CELF4: variants seen among roughly 807,000 people sequenced by gnomAD.
CELF4 encodes CUGBP Elav-like family member 4.
A neutral mutation model predicts 59.9 loss-of-function variants in CELF4; 18 were observed. The observed-to-expected ratio is 0.30, with a 90% CI of 0.21 to 0.45. The LOEUF is 0.45. Among genes scored for constraint, CELF4 ranks in the 20% least tolerant of loss-of-function variants. The pLI is 1.00. For synonymous variants in CELF4, 261 were observed against 267.1 expected, an observed-to-expected ratio of 0.98 and a Z score of 0.22; for missense variants, 456 against 689.0, an observed-to-expected ratio of 0.66 and a Z score of 3.79.
chr18:37,479,463 C>T (rs1378516280), intron 2 of CELF4, among the ~76,000 whole-genome samples: 1 of 152,302 alleles, frequency 6.6e-6, no homozygotes, highest in Non-Finnish European at 1.5e-5. Flanking sequence ...CTGGCCTCTA[C>T]CCATTAGATG....
intron 2 of CELF4, among the ~76,000 whole-genome samples, chr18:37,379,288 G>A (rs771771901): frequency 3.3e-5 from 5 of 152,074 alleles, no homozygotes; most frequent in Non-Finnish European, 7.4e-5. Flanking sequence ...CCCTGGCGTG[G>A]GTATGCTATT....
intron 3 of CELF4, among the ~76,000 whole-genome samples, chr18:37,302,258 C>T (rs1371532331): frequency 2.6e-5 from 4 of 152,156 alleles, no homozygotes; most frequent in Non-Finnish European, 1.5e-5. Context: ...TTCTCCTATC[C>T]TCTCCTGCTG....
intron 1 of CELF4, among the ~76,000 whole-genome samples, chr18:37,488,627 C>T (rs2099887789): frequency 1.3e-5 from 2 of 152,100 alleles, no homozygotes; most frequent in Non-Finnish European, 2.9e-5. Flanking sequence ...CCTGTTGAAC[C>T]TGACAGTGCA....
intron 2 of CELF4, among the ~76,000 whole-genome samples, chr18:37,329,528 G>A (rs1430688733): frequency 6.6e-6 from 1 of 152,234 alleles, no homozygotes; most frequent in African/African-American, 2.4e-5. Context: ...GCTGAGTCAT[G>A]GCCTCTTTTG....
At position 37,253,957 on chromosome 18, in the gene CELF4, C is replaced by A. The variant is rs2067241680; in HGVS notation, c.1334-19G>T. ...ACGAAGCCTGGCGAGACACGAGGGA[C>A]GAGGGCCTGGGTTTCCACGGGGCCG... On this transcript the variant is annotated intron_variant, in intron 11 of 12. Coordinates refer to ENST00000420428, the MANE Select transcript of CELF4 (RefSeq NM_020180.4). The surrounding 1 kb of genome is among the most constrained non-coding windows in gnomAD (Gnocchi z 4.5). 1 of 1,503,224 alleles carries A rather than the reference C, an allele frequency of 6.7e-7. No homozygotes were observed. Among genetic ancestry groups the A allele is most frequent in the Non-Finnish European group, 9.0e-7 (1 of 1,114,338 alleles). 93.1% of individuals were successfully genotyped at this position (1,503,224 alleles called of 1,614,324 possible).
rs1601079134 is a variant in CELF4 at position 37,264,895 on chromosome 18, C to T, written c.1166-138G>A. The T allele has an allele frequency of 5.9e-6, 4 of 673,880 alleles. No individual in the cohort carries two copies. In the East Asian group the frequency reaches 1.1e-4, roughly 18 times the overall value. The allele number at this position is 673,880 out of a possible 1,614,324, so 41.7% of individuals were successfully genotyped here. On this transcript the variant is annotated intron_variant, in intron 9 of 12. Transcript: ENST00000420428. ...TGCCACTCAGCCACTTAGGACAAAG[C>T]CAGCTTTCAGTTCCCAGACTAACAG...
chr18:37,551,525 C>T (rs1421080617), intron 1 of CELF4, among the ~76,000 whole-genome samples: 1 of 152,214 alleles, frequency 6.6e-6, no homozygotes, highest in Non-Finnish European at 1.5e-5. Context: ...ATCCCCATGG[C>T]CTGGCTGCCA....
At chr18:37,403,119 T>C (rs576110102) in intron 2 of CELF4, among the ~76,000 whole-genome samples, 46 of 140,558 alleles carry the variant, frequency 3.3e-4, no homozygotes, top group Non-Finnish European at 6.0e-4. Context: ...AGGGGAGAGA[T>C]GGGGCGAGGA....
At chr18:37,454,553 A>G (rs2099772891) in intron 2 of CELF4, among the ~76,000 whole-genome samples, 1 of 152,106 alleles carries the variant, frequency 6.6e-6, no homozygotes, top group African/African-American at 2.4e-5. Context: ...CCCTGTGTTC[A>G]CCCACAGCTT....
At chr18:37,398,634 C>T (rs1253474814) in intron 2 of CELF4, among the ~76,000 whole-genome samples, 1 of 152,126 alleles carries the variant, frequency 6.6e-6, no homozygotes, top group Non-Finnish European at 1.5e-5. Context: ...AGAGGTCCTC[C>T]CAAGGAGGCC....
At chr18:37,314,529 G>C (rs561315449) in intron 3 of CELF4, among the ~76,000 whole-genome samples, 1 of 152,320 alleles carries the variant, frequency 6.6e-6, no homozygotes, top group Non-Finnish European at 1.5e-5. Flanking sequence ...CCCAGGTCCA[G>C]ATACAGAGGC....
intron 2 of CELF4, among the ~76,000 whole-genome samples, chr18:37,325,595 G>A (rs926658919): frequency 6.6e-6 from 1 of 152,178 alleles, no homozygotes; most frequent in Non-Finnish European, 1.5e-5. Flanking sequence ...GGATGGTGCA[G>A]GCAGACCTCC....
intron 1 of CELF4, among the ~76,000 whole-genome samples, chr18:37,542,732 T>C (rs2099978703): frequency 6.6e-6 from 1 of 152,212 alleles, no homozygotes; most frequent in Non-Finnish European, 1.5e-5. Context: ...TTATGATTAT[T>C]ATCATTATAT....
intron 3 of CELF4, among the ~76,000 whole-genome samples, chr18:37,318,630 T>C (rs868077104): frequency 7.2e-4 from 93 of 129,294 alleles, no homozygotes; most frequent in Middle Eastern, 4.3e-3. Context: ...TCCCTACACC[T>C]CCCCCCCCCC....
At chr18:37,328,654 T>C (rs958778218) in intron 2 of CELF4, among the ~76,000 whole-genome samples, 1 of 152,236 alleles carries the variant, frequency 6.6e-6, no homozygotes, top group African/African-American at 2.4e-5. Flanking sequence ...GCCCACCTAC[T>C]TGTGGACGCG....
chr18:37,544,862 C>A (rs1430727655), intron 1 of CELF4, among the ~76,000 whole-genome samples: 1 of 152,148 alleles, frequency 6.6e-6, no homozygotes, highest in Non-Finnish European at 1.5e-5. Context: ...AGGAGGGTGT[C>A]TGGTTGAGGC....
At chr18:37,352,593 TA>T (rs904159970) in intron 2 of CELF4, among the ~76,000 whole-genome samples, 44 of 146,090 alleles carry the variant, frequency 3.0e-4, no homozygotes, top group South Asian at 1.5e-3. Flanking sequence ...ACCCTGCCTC[TA>T]AAAAAAAAAA....
chr18:37,525,336 T>A (rs1477534777), intron 1 of CELF4, among the ~76,000 whole-genome samples: 1 of 152,198 alleles, frequency 6.6e-6, no homozygotes, highest in Non-Finnish European at 1.5e-5. Flanking sequence ...TGTTGCCTTC[T>A]AACTCCAGAC....
At chr18:37,517,454 A>C (rs932060822) in intron 1 of CELF4, among the ~76,000 whole-genome samples, 2 of 152,074 alleles carry the variant, frequency 1.3e-5, no homozygotes, top group African/African-American at 4.8e-5. Context: ...TGCTGAGCTC[A>C]GTCTGCTTCC....
Sources: gnomAD v4.1 joint callset for allele counts (sites outside exome capture counted in the v4.1 genomes callset) on GRCh38, gnomAD v4.1.1 for gene constraint, Gnocchi (gnomAD v3.1) non-coding constraint, MANE v1.5 for transcripts, NCBI Gene and HGNC (gene_info 2026-07-23, HGNC 2026-07-21) for gene names.